The following METTL14 variants were observed in gnomAD, a reference collection of about 807,000 sequenced individuals.
METTL14 encodes methyltransferase 14, N6-adenosine-methyltransferase non-catalytic subunit, also known as N(6)-adenosine-methyltransferase non-catalytic subunit METTL14.
A neutral mutation model predicts 62.4 loss-of-function variants in METTL14; 32 were observed. The observed-to-expected ratio is 0.51, with a 90% CI of 0.39 to 0.69. The LOEUF (loss-of-function observed/expected upper bound fraction) is 0.69, where lower values mean the gene tolerates loss of function less well. Ranked by LOEUF, METTL14 falls within the 30% of genes least tolerant of loss-of-function variation. METTL14 has a pLI of 0.00. For synonymous variants in METTL14, 150 were observed against 180.0 expected (o/e 0.83, Z 1.34); for missense variants, 340 against 551.9 (o/e 0.62, Z 3.85).
intron 10 of METTL14, among the ~76,000 whole-genome samples, chr4:118,709,742 T>C (rs538364455): frequency 6.6e-6 from 1 of 152,176 alleles, no homozygotes; most frequent in Non-Finnish European, 1.5e-5. Context: ...TTCTCTAAGT[T>C]CTATTCTCAC....
At chr4:118,694,618 T>A in intron 6 of METTL14, 92 bp downstream of exon 6, 1 of 918,216 alleles carries the variant, frequency 1.1e-6, no homozygotes, top group Non-Finnish European at 1.7e-6. Context: ...CTTCCTAAAT[T>A]CAGCACTTAT....
At position 118,707,329 on chromosome 4, in the gene METTL14, A is replaced by G. The variant is rs146987466; in HGVS notation, c.1066+1508A>G. On this transcript the variant is annotated intron_variant, in intron 10 of 10. Coordinates refer to ENST00000388822, the MANE Select transcript of METTL14 (RefSeq NM_020961.4). ...AAGTGTAGATGTTTGGGAGTTAGCCATATAAATAATAGTATGTGCAATTGA... is the reference window on the plus strand; with the variant it reads ...AAGTGTAGATGTTTGGGAGTTAGCCGTATAAATAATAGTATGTGCAATTGA... Among the ~76,000 whole-genome samples the G allele has an allele frequency of 1.5e-3, 231 of 152,234 alleles. 2 individuals carry two copies. The highest frequency in any genetic ancestry group is 5.2e-3 in the African/African-American group (217 of 41,540).
rs1233617061 is a variant in METTL14, at chr4:118,689,432, A to T, written c.218A>T (p.Asp73Val). 1 of 1,602,282 alleles carries T rather than the reference A, an allele frequency of 6.2e-7. No homozygotes were observed. Among genetic ancestry groups the T allele is most frequent in the African/African-American group, 1.3e-5 (1 of 74,708 alleles). The change falls in exon 3 of 11, where the codon GAT (aspartate) becomes GTT (valine). Residue 73 changes from aspartate to valine, a missense_variant. Physicochemically the swap from Asp to Val is radical, Grantham distance 152. Coordinates refer to ENST00000388822, the MANE Select transcript of METTL14 (RefSeq NM_020961.4). ...AAGTATCTGGATGAAGGAGAGACAG[A>T]TGAAGACAAAATGGAAGAATATAAG... ...KRKYLDEGET[D>V]EDKMEEYKDE... is the part of the protein sequence containing the mutation.
intron 9 of METTL14, among the ~76,000 whole-genome samples, chr4:118,704,771 C>T (rs1391070562): frequency 6.6e-6 from 1 of 152,094 alleles, no homozygotes; most frequent in African/African-American, 2.4e-5. Flanking sequence ...ATAAATAGGT[C>T]ATAGTAAGTA....
intron 8 of METTL14, among the ~76,000 whole-genome samples, chr4:118,701,982 G>T (rs1212015689): frequency 6.6e-6 from 1 of 152,064 alleles, no homozygotes; most frequent in Non-Finnish European, 1.5e-5. Context: ...TCTTCAAGAT[G>T]CTATAGAAAA....
chr4:118,691,411 A>G, intron 3 of METTL14, 121 bp from the exon 4 acceptor site: 2 of 576,378 alleles, frequency 3.5e-6, no homozygotes, highest in Non-Finnish European at 5.9e-6. Flanking sequence ...GTTTGATTTT[A>G]ATGCTAATTT....
At chr4:118,704,597 C>G (rs1438073177) in intron 9 of METTL14, among the ~76,000 whole-genome samples, 1 of 152,074 alleles carries the variant, frequency 6.6e-6, no homozygotes, top group East Asian at 1.9e-4. Flanking sequence ...TCCGTAAAAT[C>G]CCAAGATGGG....
At chr4:118,698,909 G>A (rs576878355) in intron 7 of METTL14, among the ~76,000 whole-genome samples, 6 of 152,234 alleles carry the variant, frequency 3.9e-5, no homozygotes, top group South Asian at 2.1e-4. Flanking sequence ...TCCTGGGATC[G>A]TGTCTCAGGA....
intron 10 of METTL14, among the ~76,000 whole-genome samples, chr4:118,706,522 T>C (rs991512598): frequency 1.3e-5 from 2 of 152,208 alleles, no homozygotes; most frequent in South Asian, 4.1e-4. Flanking sequence ...TTTTGGCAAT[T>C]ATGAATAAGC....
At chr4:118,701,800 A>G (rs1166622815) in intron 8 of METTL14, among the ~76,000 whole-genome samples, 1 of 152,232 alleles carries the variant, frequency 6.6e-6, no homozygotes, top group Non-Finnish European at 1.5e-5. Flanking sequence ...GATAATAAGT[A>G]TGATTATATG....
rs966867226 is a variant in METTL14 at position 118,710,922 on chromosome 4, A to G, written c.*620A>G. 6.9e-6 allele frequency: 1 copy of G among 144,526 alleles called. No homozygotes were observed. Among genetic ancestry groups the G allele is most frequent in the African/African-American group, 2.6e-5 (1 of 38,034 alleles). 9.0% of individuals were successfully genotyped at this position (144,526 alleles called of 1,614,324 possible). ...AGATAGAACTTAGCAGGCAGACTTA[A>G]AAAAAAAAAAAAAGTTTATCATCAT... On this transcript the variant is annotated 3_prime_UTR_variant, in exon 11 of 11. Coordinates refer to ENST00000388822, the MANE Select transcript of METTL14 (RefSeq NM_020961.4).
chr4:118,707,866 C>T (rs1310617606), intron 10 of METTL14, among the ~76,000 whole-genome samples: 2 of 149,232 alleles, frequency 1.3e-5, no homozygotes, highest in African/African-American at 4.9e-5. Flanking sequence ...GACAGGTTCT[C>T]ACTCTTGTTC....
rs144539706 is a variant in METTL14, at chr4:118,694,949, G to A, written c.503+423G>A. On this transcript the variant is annotated intron_variant, in intron 6 of 10. Transcript: ENST00000388822. ...TCTGAAGAGCTAGGATTACAGGCAC[G>A]CACCACCATGCCTGGCTAATTTTTG... Among the ~76,000 whole-genome samples the A allele has an allele frequency of 9.1e-3, 1,384 of 151,358 alleles. 30 individuals are homozygous for A. The highest frequency in any genetic ancestry group is 0.031 in the African/African-American group (1,281 of 41,346).
At position 118,693,432 on chromosome 4, in the gene METTL14, C is replaced by A. The variant is rs150283074; in HGVS notation, c.413-1004C>A. Among the ~76,000 whole-genome samples the A allele has an allele frequency of 1.7e-3, 254 of 152,082 alleles. 2 individuals carry two copies. Among genetic ancestry groups the A allele is most frequent in the African/African-American group, 5.8e-3 (240 of 41,504 alleles). ...CATATTCTGAGTACAAGTCTCTTAA[C>A]CTGATGAATAATTTGCGAATATTTT... is the stretch of plus-strand genomic sequence containing the variant. On this transcript the variant is annotated intron_variant, in intron 5 of 10. Coordinates refer to ENST00000388822, the MANE Select transcript of METTL14 (RefSeq NM_020961.4).
At chr4:118,709,456 T>C (rs1314390888) in intron 10 of METTL14, among the ~76,000 whole-genome samples, 3 of 151,354 alleles carry the variant, frequency 2.0e-5, no homozygotes, top group African/African-American at 4.8e-5. Flanking sequence ...ACACATGTGT[T>C]ATATGGTAGG....
chr4:118,698,190 C>T (rs1724475478), intron 7 of METTL14, among the ~76,000 whole-genome samples: 1 of 152,060 alleles, frequency 6.6e-6, no homozygotes. Flanking sequence ...TGTGGTGTCT[C>T]ATGCCTGTAA....
At chr4:118,691,415 C>T (rs1724242735) in intron 3 of METTL14, 117 bp from the exon 4 acceptor site, 1 of 577,178 alleles carries the variant, frequency 1.7e-6, no homozygotes, top group South Asian at 2.8e-5. Flanking sequence ...GATTTTAATG[C>T]TAATTTAAAA....
At chr4:118,700,737 G>T (rs200872542) in intron 8 of METTL14, 95 bp downstream of exon 8, 1 of 791,404 alleles carries the variant, frequency 1.3e-6, no homozygotes, top group Non-Finnish European at 1.9e-6. Context: ...ATGTTATTTT[G>T]TCCTTTGTTT....
chr4:118,691,754 C>T (rs1005454908), intron 4 of METTL14, 142 bp downstream of exon 4: 5 of 586,014 alleles, frequency 8.5e-6, no homozygotes, highest in Non-Finnish European at 1.5e-5. Context: ...TTTAAAATTA[C>T]TCATGAAATA....
Sources: gnomAD v4.1 joint callset for allele counts (sites outside exome capture counted in the v4.1 genomes callset) on GRCh38, gnomAD v4.1.1 for gene constraint, MANE v1.5 for transcripts, NCBI Gene and HGNC (gene_info 2026-07-23, HGNC 2026-07-21) for gene names.